Variants in ERC2 observed in about 807,000 individuals in gnomAD.
ERC2 encodes the protein ELKS/RAB6-interacting/CAST family member 2.
A neutral mutation model predicts 114.8 loss-of-function variants in ERC2; 42 were observed. The observed-to-expected ratio is 0.37, with a 90% CI of 0.29 to 0.47. The LOEUF (loss-of-function observed/expected upper bound fraction) is 0.47. Among genes scored for constraint, ERC2 ranks in the 20% least tolerant of loss-of-function variants. The pLI is 0.99. For missense variants in ERC2, 939 were observed against 1,150.7 expected (o/e 0.82, Z 2.66); for synonymous variants, 454 against 425.5 (o/e 1.07, Z -0.82).
chr3:56,257,470 A>G (rs1376877810), intron 3 of ERC2, among the ~76,000 whole-genome samples: 1 of 152,192 alleles, frequency 6.6e-6, no homozygotes, highest in Non-Finnish European at 1.5e-5. Flanking sequence ...GCCCAATGCT[A>G]AGGCTCCATT....
intron 2 of ERC2, among the ~76,000 whole-genome samples, chr3:56,359,593 T>A (rs955334166): frequency 6.6e-6 from 1 of 152,262 alleles, no homozygotes; most frequent in African/African-American, 2.4e-5. Flanking sequence ...ACATGGCCAG[T>A]GTCTTAGTCC....
At chr3:55,663,357 C>T (rs575329484) in intron 17 of ERC2, among the ~76,000 whole-genome samples, 1 of 152,354 alleles carries the variant, frequency 6.6e-6, no homozygotes, top group Non-Finnish European at 1.5e-5. Flanking sequence ...CTGTCTGCAG[C>T]GCTGCCCCTT....
chr3:55,679,628 T>G (rs906097292), intron 17 of ERC2, among the ~76,000 whole-genome samples: 1 of 152,186 alleles, frequency 6.6e-6, no homozygotes, highest in African/African-American at 2.4e-5. Flanking sequence ...AATAAATGAA[T>G]GAATGAATAA....
intron 12 of ERC2, chr3:55,955,116 T>C (rs748366232): frequency 1.6e-5 from 8 of 513,292 alleles, no homozygotes; most frequent in Admixed American, 1.2e-4. Context: ...TGGATGTATA[T>C]AGACACACAT....
At chr3:56,448,412 G>A (rs891457628) in intron 1 of ERC2, among the ~76,000 whole-genome samples, 1 of 152,124 alleles carries the variant, frequency 6.6e-6, no homozygotes, top group African/African-American at 2.4e-5. Context: ...ACAGAGATGG[G>A]GAAGGTGAGA....
intron 14 of ERC2, among the ~76,000 whole-genome samples, chr3:55,736,841 C>A (rs2065665604): frequency 6.6e-6 from 1 of 152,108 alleles, no homozygotes; most frequent in Non-Finnish European, 1.5e-5. Context: ...AATTTTATGA[C>A]CACATCTGTC....
At chr3:55,577,124 A>T (rs1009041785) in intron 17 of ERC2, among the ~76,000 whole-genome samples, 34 of 152,322 alleles carry the variant, frequency 2.2e-4, no homozygotes, top group African/African-American at 4.8e-4. Flanking sequence ...ACTGATTTTT[A>T]AAAAAATCCC....
At chr3:55,642,719 G>A (rs1364140962) in intron 17 of ERC2, among the ~76,000 whole-genome samples, 1 of 152,114 alleles carries the variant, frequency 6.6e-6, no homozygotes. Flanking sequence ...TCATCCCAAA[G>A]TGTGCCAAAT....
At chr3:56,085,136 G>A (rs933194247) in intron 6 of ERC2, among the ~76,000 whole-genome samples, 23 of 152,188 alleles carry the variant, frequency 1.5e-4, no homozygotes, top group Non-Finnish European at 4.4e-5. Flanking sequence ...GGTAGAATGC[G>A]TCAGGGAAGG....
chr3:56,341,559 G>C (rs2058089794), intron 2 of ERC2, among the ~76,000 whole-genome samples: 1 of 151,554 alleles, frequency 6.6e-6, no homozygotes, highest in South Asian at 2.1e-4. Context: ...TGAATGGCTT[G>C]AGTCATGAGC....
intron 3 of ERC2, among the ~76,000 whole-genome samples, chr3:56,285,122 A>C: frequency 8.3e-6 from 1 of 120,226 alleles, no homozygotes; most frequent in East Asian, 2.8e-4. Context: ...TCCCCCCAGC[A>C]CATCTGCTTT....
At chr3:56,462,567 C>T (rs1212566355) in intron 1 of ERC2, among the ~76,000 whole-genome samples, 1 of 152,168 alleles carries the variant, frequency 6.6e-6, no homozygotes, top group Non-Finnish European at 1.5e-5. Flanking sequence ...AATTTTCCAA[C>T]ATTATCTCCA....
At chr3:56,421,642 A>G (rs2061393873) in intron 2 of ERC2, among the ~76,000 whole-genome samples, 1 of 152,222 alleles carries the variant, frequency 6.6e-6, no homozygotes, top group South Asian at 2.1e-4. Flanking sequence ...AAGAGAGAAA[A>G]TAAGAGTGAT....
At chr3:56,391,794 T>G (rs1236527051) in intron 2 of ERC2, among the ~76,000 whole-genome samples, 8 of 152,114 alleles carry the variant, frequency 5.3e-5, no homozygotes. Context: ...GGGAGAAAAA[T>G]GTGCCTGTAA....
intron 3 of ERC2, among the ~76,000 whole-genome samples, chr3:56,290,845 A>T (rs1461875557): frequency 4.6e-5 from 7 of 152,170 alleles, no homozygotes; most frequent in African/African-American, 1.7e-4. Context: ...GCCCACCCCC[A>T]GCACAGAGGG....
intron 2 of ERC2, among the ~76,000 whole-genome samples, chr3:56,342,677 C>G (rs2058135061): frequency 6.6e-6 from 1 of 152,164 alleles, no homozygotes; most frequent in African/African-American, 2.4e-5. Flanking sequence ...ATGATTCTGC[C>G]AGGTGTGTGT....
At chr3:55,780,771 G>A (rs1453774833) in intron 14 of ERC2, among the ~76,000 whole-genome samples, 1 of 152,170 alleles carries the variant, frequency 6.6e-6, no homozygotes. Context: ...AAAGTTGGTA[G>A]GTGGCAAATC....
At chr3:56,141,987 A>G (rs538393757) in intron 5 of ERC2, among the ~76,000 whole-genome samples, 1 of 152,320 alleles carries the variant, frequency 6.6e-6, no homozygotes, top group East Asian at 1.9e-4. Context: ...GTGTTTGGAA[A>G]TGGTTCCTGT....
chr3:56,316,615 T>TACAC (rs149865319), intron 2 of ERC2, among the ~76,000 whole-genome samples: 1 of 151,678 alleles, frequency 6.6e-6, no homozygotes, highest in African/African-American at 2.4e-5. Context: ...CACAAACAGA[T>TACAC]ACACACACAC....
Sources: gnomAD v4.1 joint callset for allele counts (sites outside exome capture counted in the v4.1 genomes callset) on GRCh38, gnomAD v4.1.1 for gene constraint, MANE v1.5 for transcripts, NCBI Gene and HGNC (gene_info 2026-07-23, HGNC 2026-07-21) for gene names.